The following TENM1 variants were observed in gnomAD, a reference collection of about 807,000 sequenced individuals.
The protein encoded by TENM1 is teneurin transmembrane protein 1, also known as teneurin-1.
Under a neutral mutation model 174.8 loss-of-function variants are expected in TENM1, and 35 were observed. The ratio of observed to expected loss-of-function variants is 0.20; its 90% CI spans 0.15 to 0.27. TENM1 has a LOEUF of 0.27. Ranked by LOEUF, TENM1 falls within the 10% of genes least tolerant of loss-of-function variation. The pLI is 1.00. For missense variants in TENM1, 1,633 were observed against 2,130.1 expected, an observed-to-expected ratio of 0.77 and a Z score of 4.59; for synonymous variants, 781 against 798.7, an observed-to-expected ratio of 0.98 and a Z score of 0.37.
chrX:124,889,295 G>T (rs1192620823), intron 3 of TENM1, among the ~76,000 whole-genome samples: 1 of 111,124 alleles, frequency 9.0e-6, no homozygotes, highest in African/African-American at 3.3e-5. Flanking sequence ...GTAGACAGCT[G>T]ACTCAAGTTG....
At chrX:125,202,278 G>A in the TENM1 span, among the ~76,000 whole-genome samples, 1 of 112,090 alleles carries the variant, frequency 8.9e-6, no homozygotes, top group African/African-American at 3.2e-5. Flanking sequence ...TAGAACAAGA[G>A]TCTAAAATTC....
At chrX:125,201,473 C>A in the TENM1 span, among the ~76,000 whole-genome samples, 3 of 112,048 alleles carry the variant, frequency 2.7e-5, no homozygotes, top group Non-Finnish European at 3.8e-5. Flanking sequence ...TAATTGGAAC[C>A]TAAACCTAAT....
At chrX:124,982,872 T>C in the TENM1 span, among the ~76,000 whole-genome samples, 1 of 112,198 alleles carries the variant, frequency 8.9e-6, no homozygotes, top group African/African-American at 3.2e-5. Context: ...CCCTAAACAC[T>C]TCTATTACAG....
chrX:124,914,872 A>G (rs748352063), intron 1 of TENM1, among the ~76,000 whole-genome samples: 32 of 111,836 alleles, frequency 2.9e-4, no homozygotes, highest in African/African-American at 9.4e-4. Flanking sequence ...TTCCCATTAC[A>G]TTTAGGATAA....
chrX:124,541,981 C>G (rs751659072), intron 15 of TENM1, among the ~76,000 whole-genome samples: 1 of 112,029 alleles, frequency 8.9e-6, no homozygotes, highest in Admixed American at 9.4e-5. Context: ...TATAAGAGCT[C>G]TGACAAACCT....
At chrX:124,744,082 C>T (rs1392669267) in intron 3 of TENM1, among the ~76,000 whole-genome samples, 1 of 111,508 alleles carries the variant, frequency 9.0e-6, no homozygotes, top group Non-Finnish European at 1.9e-5. Flanking sequence ...ATCAGCCAAC[C>T]TCAGGCATAA....
intron 25 of TENM1, among the ~76,000 whole-genome samples, chrX:124,416,366 T>G (rs1473255607): frequency 1.8e-5 from 2 of 112,182 alleles, no homozygotes; most frequent in African/African-American, 3.2e-5. Flanking sequence ...GTTTCTAGAT[T>G]CTTTCACTGA....
chrX:125,080,311 G>A, the TENM1 span, among the ~76,000 whole-genome samples: 3 of 111,925 alleles, frequency 2.7e-5, no homozygotes, highest in Non-Finnish European at 5.7e-5. Flanking sequence ...AAGGTTTCTT[G>A]AATGGCACAG....
the TENM1 span, among the ~76,000 whole-genome samples, chrX:125,079,298 T>C: frequency 8.9e-6 from 1 of 112,102 alleles, no homozygotes; most frequent in East Asian, 2.8e-4. Flanking sequence ...TCACCATCAA[T>C]TTCTGCTTTA....
chrX:124,647,324 C>T (rs1272088184), intron 8 of TENM1, among the ~76,000 whole-genome samples: 1 of 111,722 alleles, frequency 9.0e-6, no homozygotes, highest in Non-Finnish European at 1.9e-5. Context: ...CAATGGAAGG[C>T]TTTTAAAGTA....
intron 3 of TENM1, among the ~76,000 whole-genome samples, chrX:124,861,335 A>G (rs1375231640): frequency 9.0e-6 from 1 of 111,556 alleles, no homozygotes; most frequent in African/African-American, 3.3e-5. Flanking sequence ...TTTGACTGCA[A>G]ATAAATATGG....
intron 22 of TENM1, among the ~76,000 whole-genome samples, chrX:124,458,886 C>T (rs780639574): frequency 8.9e-6 from 1 of 112,491 alleles, no homozygotes; most frequent in South Asian, 3.7e-4. Flanking sequence ...TTAAAGCTTA[C>T]TGAGAAAAAT....
the TENM1 span, among the ~76,000 whole-genome samples, chrX:125,021,742 G>A: frequency 2.7e-5 from 3 of 112,207 alleles, no homozygotes; most frequent in Non-Finnish European, 5.6e-5. Flanking sequence ...TTTTTTATGG[G>A]CAGTAAAATT....
intron 3 of TENM1, among the ~76,000 whole-genome samples, chrX:124,752,564 G>A (rs2054104620): frequency 8.9e-6 from 1 of 111,779 alleles, no homozygotes; most frequent in South Asian, 3.8e-4. Context: ...TGAAGTCCTT[G>A]CTCATGCCTA....
chrX:124,647,423 G>A (rs992535019), intron 8 of TENM1, among the ~76,000 whole-genome samples: 1 of 111,085 alleles, frequency 9.0e-6, no homozygotes, highest in Non-Finnish European at 1.9e-5. Context: ...ATGCTTATCC[G>A]TTTTCTGCCA....
At chrX:124,500,729 C>T (rs1487470200) in intron 19 of TENM1, among the ~76,000 whole-genome samples, 1 of 112,067 alleles carries the variant, frequency 8.9e-6, no homozygotes, top group African/African-American at 3.2e-5. Flanking sequence ...TACCCTCTTG[C>T]TACTTTGTTC....
chrX:124,876,358 T>G (rs1192683496), intron 3 of TENM1, among the ~76,000 whole-genome samples: 2 of 111,856 alleles, frequency 1.8e-5, no homozygotes, highest in Non-Finnish European at 3.8e-5. Context: ...TTTTTAATAT[T>G]GAATAATCCT....
At chrX:124,462,316 A>G (rs187714079) in intron 22 of TENM1, among the ~76,000 whole-genome samples, 347 of 109,433 alleles carry the variant, frequency 3.2e-3, no homozygotes, top group Non-Finnish European at 3.4e-3. Flanking sequence ...GGTTCCTTGA[A>G]TCACTGCTTG....
At chrX:124,971,142 G>T in the TENM1 span, among the ~76,000 whole-genome samples, 1 of 72,339 alleles carries the variant, frequency 1.4e-5, no homozygotes, top group Non-Finnish European at 2.5e-5. Context: ...GTTGTGGGGT[G>T]GGGGGAGGGG....
Sources: gnomAD v4.1 joint callset for allele counts (sites outside exome capture counted in the v4.1 genomes callset) on GRCh38, gnomAD v4.1.1 for gene constraint, MANE v1.5 for transcripts, NCBI Gene and HGNC (gene_info 2026-07-23, HGNC 2026-07-21) for gene names.